ZNRF3: variants seen among roughly 807,000 people sequenced by gnomAD.
ZNRF3 encodes the protein zinc and ring finger 3, also known as E3 ubiquitin-protein ligase ZNRF3.
A neutral mutation model predicts 72.5 loss-of-function variants in ZNRF3; 23 were observed. That is an observed-to-expected ratio of 0.32 (90% CI 0.23 to 0.45). The LOEUF (loss-of-function observed/expected upper bound fraction) is 0.45. Ranked by LOEUF, ZNRF3 falls within the 20% of genes least tolerant of loss-of-function variation. ZNRF3 has a pLI of 1.00. For missense variants in ZNRF3, 1,169 were observed against 1,272.1 expected (o/e 0.92, Z 1.23); for synonymous variants, 610 against 545.3 (o/e 1.12, Z -1.65).
chr22:28,901,787 C>T lies in ZNRF3; in HGVS notation c.300+17721C>T, dbSNP rs186715541. Reference sequence around the variant, plus strand: ...TCCTGAGTAGCCACGATTACACGTGCGCAATACCACGCCTGGCTAATTTTT... The same window carrying T: ...TCCTGAGTAGCCACGATTACACGTGTGCAATACCACGCCTGGCTAATTTTT... On this transcript the variant is annotated intron_variant, in intron 1 of 8. Coordinates refer to ENST00000544604, the MANE Select transcript of ZNRF3 (RefSeq NM_001206998.2). Among the ~76,000 whole-genome samples, 347 of 148,202 alleles carry T rather than the reference C, an allele frequency of 2.3e-3. 2 individuals are homozygous for T. Among genetic ancestry groups the T allele is most frequent in the African/African-American group, 8.6e-3 (331 of 38,426 alleles).
At chr22:28,921,208 T>C (rs1371969111) in intron 1 of ZNRF3, among the ~76,000 whole-genome samples, 1 of 152,156 alleles carries the variant, frequency 6.6e-6, no homozygotes, top group African/African-American at 2.4e-5. Flanking sequence ...CTCTTTTAAG[T>C]GGGAAGCCCC....
In ZNRF3 at chr22:29,049,103, G is replaced by A. The variant is rs139089712; in HGVS notation, c.1016-94G>A. On this transcript the variant is annotated intron_variant, in intron 7 of 8. Coordinates refer to ENST00000544604, the MANE Select transcript of ZNRF3 (RefSeq NM_001206998.2). The surrounding 1 kb of genome is among the most constrained non-coding windows in gnomAD (Gnocchi z 5.2). The stretch of plus-strand genomic sequence containing the variant: ...GGTACCTTGGCAGGTGACCAAGCCT[G>A]CTGCTTCAGCCTTTGCCCGTTTTAA... 8.6e-6 allele frequency: 12 copies of A among 1,394,722 alleles called. No individual in the cohort carries two copies. The East Asian group carries it at 2.8e-4, about 33-fold the overall frequency. The allele number at this position is 1,394,722 out of a possible 1,614,324, so 86.4% of individuals were successfully genotyped here.
chr22:28,928,660 AT>A (rs1306789481), intron 1 of ZNRF3, among the ~76,000 whole-genome samples: 16 of 147,232 alleles, frequency 1.1e-4, no homozygotes, highest in Admixed American at 1.4e-4. Context: ...AACCCGGCTA[AT>A]TTTTTTTTTT....
At chr22:28,906,542 C>CA (rs1569241193) in intron 1 of ZNRF3, among the ~76,000 whole-genome samples, 2 of 152,200 alleles carry the variant, frequency 1.3e-5, no homozygotes, top group South Asian at 4.1e-4. Flanking sequence ...TCATCTATAA[C>CA]ATGGGACAGA....
At chr22:28,935,578 G>A (rs1267184156) in intron 1 of ZNRF3, among the ~76,000 whole-genome samples, 1 of 152,212 alleles carries the variant, frequency 6.6e-6, no homozygotes, top group Non-Finnish European at 1.5e-5. Flanking sequence ...GCCTGTCTCT[G>A]TTGAAGTAAT....
chr22:28,900,054 A>C (rs7289444), intron 1 of ZNRF3, among the ~76,000 whole-genome samples: 1 of 152,064 alleles, frequency 6.6e-6, no homozygotes, highest in East Asian at 1.9e-4. Flanking sequence ...GGGATCTTCT[A>C]TCTCTTCCTA....
At position 29,057,069 on chromosome 22, in the gene ZNRF3, C is replaced by T. The variant is rs577560116; in HGVS notation, c.*3447C>T. 7.9e-5 allele frequency: 12 copies of T among 152,144 alleles called. No homozygotes were observed. In the South Asian group the frequency reaches 2.5e-3, roughly 32 times the overall value. The allele number at this position is 152,144 out of a possible 1,614,324, so 9.4% of individuals were successfully genotyped here. A position where few individuals can be genotyped will look rare whatever the true frequency, so the allele number is the denominator to read the frequency against. ...ACTATTTTAAAATTTTTTAATTTTT[C>T]CCATAGCACTTAAAAGAGATTTTGT... On this transcript the variant is annotated 3_prime_UTR_variant, in exon 9 of 9. Coordinates refer to ENST00000544604, the MANE Select transcript of ZNRF3 (RefSeq NM_001206998.2).
intron 1 of ZNRF3, among the ~76,000 whole-genome samples, chr22:28,984,594 T>C (rs1031609730): frequency 6.6e-6 from 1 of 152,206 alleles, no homozygotes; most frequent in African/African-American, 2.4e-5. Context: ...AAAAATACCT[T>C]GGAATACTGG....
Position 29,054,423 on chromosome 22 carries a change from C to CA in ZNRF3, c.*802dup, listed in dbSNP as rs1350948129. 17 of 152,454 alleles carry CA rather than the reference C, an allele frequency of 1.1e-4. No homozygotes were observed. Among genetic ancestry groups the CA allele is most frequent in the African/African-American group, 3.4e-4 (14 of 41,588 alleles). 9.4% of individuals were successfully genotyped at this position (152,454 alleles called of 1,614,324 possible). A position where few individuals can be genotyped will look rare whatever the true frequency, so the allele number is the denominator to read the frequency against. Reference sequence around the variant, plus strand: ...CAGGTCATGGTCCCAAGTGAAATGACAGAGTTCACAGCCCTGGTCTTGGCT... The same window carrying CA: ...CAGGTCATGGTCCCAAGTGAAATGACAAGAGTTCACAGCCCTGGTCTTGGCT... On this transcript the variant is annotated 3_prime_UTR_variant, in exon 9 of 9. Coordinates refer to ENST00000544604, the MANE Select transcript of ZNRF3 (RefSeq NM_001206998.2).
rs563603146 is a variant in ZNRF3, at chr22:29,051,837, G to A, written c.2767+889G>A. On this transcript the variant is annotated intron_variant, in intron 8 of 8. Transcript: ENST00000544604. The stretch of plus-strand genomic sequence containing the variant: ...GGAGAATCGCCTGAACCTGGGAGGC[G>A]GAGGTTGCAGTGAGCCGCGCTCCAG... Among the ~76,000 whole-genome samples, 802 of 150,132 alleles carry A rather than the reference G, an allele frequency of 5.3e-3. 5 individuals carry two copies. The highest frequency in any genetic ancestry group is 8.3e-3 in the Non-Finnish European group (561 of 67,446).
chr22:28,965,893 A>G (rs1354403184), intron 1 of ZNRF3, among the ~76,000 whole-genome samples: 1 of 152,258 alleles, frequency 6.6e-6, no homozygotes, highest in East Asian at 1.9e-4. Flanking sequence ...TGCCAAATTC[A>G]GAATGGTGGT....
At chr22:28,938,587 T>A (rs2034884444) in intron 1 of ZNRF3, among the ~76,000 whole-genome samples, 2 of 152,170 alleles carry the variant, frequency 1.3e-5, no homozygotes, top group African/African-American at 4.8e-5. Flanking sequence ...GACGACTTTC[T>A]AGCTGAAGCA....
intron 1 of ZNRF3, among the ~76,000 whole-genome samples, chr22:28,940,844 C>A (rs2034932548): frequency 1.3e-5 from 2 of 152,112 alleles, no homozygotes; most frequent in Admixed American, 6.6e-5. Context: ...GGTTTCAGCA[C>A]CCCCACCCAG....
intron 1 of ZNRF3, among the ~76,000 whole-genome samples, chr22:28,935,285 C>T (rs2123781817): frequency 6.6e-6 from 1 of 152,308 alleles, no homozygotes; most frequent in East Asian, 1.9e-4. Context: ...TGTGTACCTG[C>T]CCTTTGCCCC....
chr22:29,046,255 C>G lies in ZNRF3; in HGVS notation c.745-461C>G, dbSNP rs905978841. Among the ~76,000 whole-genome samples the G allele has an allele frequency of 1.3e-5, 2 of 152,140 alleles. 1 individual carries two copies. The highest frequency in any genetic ancestry group is 4.1e-4 in the South Asian group (2 of 4,828). On this transcript the variant is annotated intron_variant, in intron 5 of 8. Transcript: ENST00000544604. ...TAGAGAAGAGAATCACCAAAGTTCT[C>G]TTGAGGGTTGAGCGACCACCCCCAA... is the stretch of plus-strand genomic sequence containing the variant.
chr22:29,020,508 G>T (rs147715253), intron 2 of ZNRF3, among the ~76,000 whole-genome samples: 1 of 151,704 alleles, frequency 6.6e-6, no homozygotes, highest in Non-Finnish European at 1.5e-5. Flanking sequence ...CAATCCATCC[G>T]CCTCGGACTC....
intron 2 of ZNRF3, among the ~76,000 whole-genome samples, chr22:29,039,774 T>G (rs1436265144): frequency 8.5e-6 from 1 of 117,356 alleles, no homozygotes; most frequent in Non-Finnish European, 1.7e-5. Context: ...TAGTGAGACC[T>G]CGTCTCTACC....
chr22:28,885,031 G>A (rs1428370222), intron 1 of ZNRF3, among the ~76,000 whole-genome samples: 4 of 152,220 alleles, frequency 2.6e-5, no homozygotes, highest in Admixed American at 2.6e-4. Context: ...ATTCGTAAAG[G>A]TTGGCTTGTC....
chr22:28,923,604 C>G (rs956675543), intron 1 of ZNRF3, among the ~76,000 whole-genome samples: 11 of 152,088 alleles, frequency 7.2e-5, no homozygotes, highest in African/African-American at 2.7e-4. Flanking sequence ...CACCATCACC[C>G]AAAATAGTTG....
Sources: gnomAD v4.1 joint callset for allele counts (sites outside exome capture counted in the v4.1 genomes callset) on GRCh38, gnomAD v4.1.1 for gene constraint, Gnocchi (gnomAD v3.1) non-coding constraint, MANE v1.5 for transcripts, NCBI Gene and HGNC (gene_info 2026-07-23, HGNC 2026-07-21) for gene names.